TCF4: variants seen among roughly 807,000 people sequenced by gnomAD.
TCF4 encodes SL3-3 enhancer factor 2.
Under a neutral mutation model 82.1 loss-of-function variants are expected in TCF4, and 3 were observed. The ratio of observed to expected loss-of-function variants is 0.04; its 90% CI spans 0.02 to 0.09. TCF4 has a LOEUF of 0.09. Among genes scored for constraint, TCF4 ranks in the 10% least tolerant of loss-of-function variants. The probability of loss-of-function intolerance (pLI) is 1.00; values close to 1 mark genes in which losing one functional copy is unlikely to be tolerated. For missense variants in TCF4, 518 were observed against 852.7 expected (o/e 0.61, Z 4.89); for synonymous variants, 276 against 309.6 (o/e 0.89, Z 1.14).
At position 55,228,292 on chromosome 18, in the gene TCF4, G is replaced by A; in HGVS notation, c.1949C>T (p.Pro650Leu). The change falls in exon 19 of 20, where the codon CCC becomes CTC. Residue 650 changes from proline (P) to leucine (L), a missense_variant. Physicochemically the swap from Pro to Leu is moderately conservative, Grantham distance 98 (BLOSUM62 -3). This residue lies in a region of TCF4 where 40 missense variants were observed against 41.5 expected (regional missense o/e 0.96). Transcript: ENST00000354452. ...REEEKVSSEPPPLSLAGPHPG... is the reference protein window; with the variant it reads ...REEEKVSSEPLPLSLAGPHPG... ...GTGTGGGCCGGCCAAGGAGAGAGGG[G>A]GAGGCTCTGAGGACACCTTCTCTTC... is the stretch of plus-strand genomic sequence containing the variant. 1 of 1,614,082 alleles carries A rather than the reference G, an allele frequency of 6.2e-7. No individual in the cohort carries two copies. The highest frequency in any genetic ancestry group is 8.5e-7 in the Non-Finnish European group (1 of 1,180,002).
rs145411123 is a variant in TCF4, at chr18:55,552,151, C to T, written c.145+33129G>A. ...CATCTAGGATTGCTTTTGGTCTATA[C>T]GTCTCCAACTACAGTGTATGCTTCA... On this transcript the variant is annotated intron_variant, in intron 3 of 19. Transcript: ENST00000354452. Among the ~76,000 whole-genome samples the T allele has an allele frequency of 2.0e-3, 307 of 152,268 alleles. 2 individuals are homozygous for T. Among genetic ancestry groups the T allele is most frequent in the African/African-American group, 6.1e-3 (255 of 41,552 alleles).
intron 3 of TCF4, among the ~76,000 whole-genome samples, chr18:55,494,781 C>T (rs1401869220): frequency 6.6e-6 from 1 of 152,040 alleles, no homozygotes; most frequent in Non-Finnish European, 1.5e-5. Flanking sequence ...CACATTCAAT[C>T]ATGAACATTG....
At chr18:55,490,152 C>G (rs1361774373) in intron 3 of TCF4, among the ~76,000 whole-genome samples, 2 of 152,100 alleles carry the variant, frequency 1.3e-5, no homozygotes, top group African/African-American at 4.8e-5. Context: ...TAAGGAAATA[C>G]CAAGAAATTA....
intron 5 of TCF4, among the ~76,000 whole-genome samples, chr18:55,416,868 C>T (rs1450956889): frequency 6.6e-6 from 1 of 152,196 alleles, no homozygotes; most frequent in African/African-American, 2.4e-5. Context: ...GCATATAGGT[C>T]ACTCTCTTAA....
At chr18:55,256,609 A>T (rs138219034) in intron 14 of TCF4, among the ~76,000 whole-genome samples, 1 of 152,258 alleles carries the variant, frequency 6.6e-6, no homozygotes, top group Non-Finnish European at 1.5e-5. Context: ...GTGTCATCTC[A>T]AGATAGGAGG....
intron 6 of TCF4, among the ~76,000 whole-genome samples, chr18:55,375,918 T>C (rs993811096): frequency 1.3e-5 from 2 of 151,948 alleles, no homozygotes; most frequent in Non-Finnish European, 2.9e-5. Context: ...ACTAAGGCAA[T>C]GATCTCCAGA....
chr18:55,249,894 C>T (rs548421397), intron 15 of TCF4, among the ~76,000 whole-genome samples: 13 of 152,218 alleles, frequency 8.5e-5, no homozygotes, highest in East Asian at 1.9e-4. Context: ...TCATTTGAAA[C>T]GCTTCTTTTC....
chr18:55,277,938 C>G (rs1455494530), intron 9 of TCF4, among the ~76,000 whole-genome samples: 1 of 152,074 alleles, frequency 6.6e-6, no homozygotes, highest in African/African-American at 2.4e-5. Flanking sequence ...AGCTTTTTGT[C>G]ACGGCACAAA....
intron 8 of TCF4, among the ~76,000 whole-genome samples, chr18:55,300,323 C>A (rs1340094712): frequency 6.7e-6 from 1 of 149,294 alleles, no homozygotes; most frequent in Non-Finnish European, 1.5e-5. Flanking sequence ...GAAGAGTGGA[C>A]AATTTTTTGT....
chr18:55,577,169 T>C (rs994494449), intron 3 of TCF4, among the ~76,000 whole-genome samples: 8 of 136,056 alleles, frequency 5.9e-5, no homozygotes, highest in Middle Eastern at 7.3e-3. Flanking sequence ...TATATATACA[T>C]TTATATATTT....
intron 5 of TCF4, among the ~76,000 whole-genome samples, chr18:55,434,581 G>A (rs958230170): frequency 7.3e-5 from 11 of 151,382 alleles, no homozygotes; most frequent in East Asian, 5.8e-4. Flanking sequence ...CACCACGCCC[G>A]GCTAATTTTT....
intron 6 of TCF4, among the ~76,000 whole-genome samples, chr18:55,382,994 C>A (rs2092156853): frequency 6.6e-6 from 1 of 152,252 alleles, no homozygotes; most frequent in African/African-American, 2.4e-5. Flanking sequence ...TGAGTTAGGA[C>A]AAGAACTCAG....
In TCF4 at chr18:55,634,880, G is replaced by T. The variant is rs142877676; in HGVS notation, c.195+823C>A. Among the ~76,000 whole-genome samples, 403 of 152,330 alleles carry T rather than the reference G, an allele frequency of 2.6e-3. 1 individual carries two copies. Among genetic ancestry groups the T allele is most frequent in the African/African-American group, 9.4e-3 (390 of 41,580 alleles). ...GACTGTTGAAGGAAGAACCAAAAAT[G>T]ATCCTGAAAATGGCAGCTAGATTGA... is the stretch of plus-strand genomic sequence containing the variant. On this transcript the variant is annotated intron_variant, in intron 1 of 20. Transcript: ENST00000398339.
intron 17 of TCF4, 198 bp downstream of exon 17, chr18:55,232,311 T>C (rs1414618703): frequency 3.3e-6 from 2 of 609,464 alleles, no homozygotes; most frequent in African/African-American, 1.8e-5. Flanking sequence ...GATTCATAAA[T>C]GCCAAAACAG....
chr18:55,552,900 A>T (rs2097272511), intron 3 of TCF4, among the ~76,000 whole-genome samples: 1 of 152,246 alleles, frequency 6.6e-6, no homozygotes, highest in South Asian at 2.1e-4. Flanking sequence ...AAGAGAAGCA[A>T]TCACATACAC....
intron 6 of TCF4, among the ~76,000 whole-genome samples, chr18:55,392,306 A>G (rs918397520): frequency 2.0e-5 from 3 of 151,730 alleles, no homozygotes; most frequent in African/African-American, 7.3e-5. Flanking sequence ...ACTATTTTCT[A>G]TCCTGACTGG....
At chr18:55,396,474 T>G (rs558965337) in intron 6 of TCF4, among the ~76,000 whole-genome samples, 1 of 152,298 alleles carries the variant, frequency 6.6e-6, no homozygotes, top group African/African-American at 2.4e-5. Flanking sequence ...GATTATTAGC[T>G]GATCCCTGAT....
intron 2 of TCF4, among the ~76,000 whole-genome samples, chr18:55,609,056 C>T (rs2097704771): frequency 6.6e-6 from 1 of 152,134 alleles, no homozygotes; most frequent in Non-Finnish European, 1.5e-5. Context: ...TATGAAGATA[C>T]AATGAGAAGA....
chr18:55,302,613 G>T (rs2068684369), intron 8 of TCF4: 2 of 1,523,618 alleles, frequency 1.3e-6, no homozygotes, highest in African/African-American at 2.7e-5. Flanking sequence ...CTTCATGCTG[G>T]ATATATGAAA....
Sources: gnomAD v4.1 joint callset for allele counts (sites outside exome capture counted in the v4.1 genomes callset) on GRCh38, gnomAD v4.1.1 for gene constraint, gnomAD v4.1.1 regional missense constraint, MANE v1.5 for transcripts, NCBI Gene and HGNC (gene_info 2026-07-23, HGNC 2026-07-21) for gene names.